The following AGBL1 variants were observed in gnomAD, a reference collection of about 807,000 sequenced individuals.
AGBL1 encodes cytosolic carboxypeptidase 4.
Under a neutral mutation model 118.9 loss-of-function variants are expected in AGBL1, and 130 were observed. The ratio of observed to expected loss-of-function variants is 1.09; its 90% CI spans 0.95 to 1.26. The LOEUF is 1.26. AGBL1 is among the 50% of genes most tolerant of loss of function. AGBL1 has a pLI of 0.00. For missense variants in AGBL1, 1,584 were observed against 1,298.1 expected, an observed-to-expected ratio of 1.22 and a Z score of -3.38; for synonymous variants, 555 against 478.9, an observed-to-expected ratio of 1.16 and a Z score of -2.08.
chr15:86,554,375 C>T lies in AGBL1; in HGVS notation c.2832C>T (p.Ile944=). The change falls in exon 21 of 23, where the codon ATC becomes ATT. Residue 944 remains isoleucine (I), a synonymous_variant. Coordinates refer to ENST00000614907, the MANE Select transcript of AGBL1 (RefSeq NM_001386094.1). ...EEVNYRTLPK[I]LDKLAPAFTM... ...TTTTACTGTAGACTCTTCCCAAAAT[C>T]CTTGATAAGCTAGCACCAGCATTCA... is the stretch of plus-strand genomic sequence containing the variant. The T allele has an allele frequency of 6.3e-7, 1 of 1,580,128 alleles. No homozygotes were observed. The highest frequency in any genetic ancestry group is 8.6e-7 in the Non-Finnish European group (1 of 1,162,926).
At chr15:86,999,415 C>T (rs1184226807) in intron 24 of AGBL1, among the ~76,000 whole-genome samples, 3 of 146,958 alleles carry the variant, frequency 2.0e-5, no homozygotes, top group Non-Finnish European at 3.0e-5. Flanking sequence ...TATTCCCCTT[C>T]CTGTGTCCAT....
At chr15:86,586,903 T>C (rs186462475) in intron 21 of AGBL1, among the ~76,000 whole-genome samples, 284 of 152,194 alleles carry the variant, frequency 1.9e-3, no homozygotes, top group African/African-American at 6.7e-3. Flanking sequence ...TAGAGTCTGG[T>C]TGAAAAGTAG....
At chr15:86,734,667 C>T (rs139900901) in intron 22 of AGBL1, among the ~76,000 whole-genome samples, 7 of 152,188 alleles carry the variant, frequency 4.6e-5, no homozygotes, top group East Asian at 1.9e-4. Context: ...TTCTCTATTG[C>T]GACAAAGCAA....
At chr15:86,667,730 A>G (rs1385739048) in intron 21 of AGBL1, among the ~76,000 whole-genome samples, 1 of 152,032 alleles carries the variant, frequency 6.6e-6, no homozygotes, top group Non-Finnish European at 1.5e-5. Flanking sequence ...TGCTATGACT[A>G]CCATACTATC....
At chr15:86,274,660 A>G (rs2079217064) in intron 15 of AGBL1, among the ~76,000 whole-genome samples, 1 of 152,198 alleles carries the variant, frequency 6.6e-6, no homozygotes, top group African/African-American at 2.4e-5. Flanking sequence ...CCGTAGATGC[A>G]GAATATAATG....
At chr15:86,210,346 A>G (rs1489757832) in intron 5 of AGBL1, among the ~76,000 whole-genome samples, 1 of 152,048 alleles carries the variant, frequency 6.6e-6, no homozygotes, top group Admixed American at 6.6e-5. Context: ...TATTTCCTGA[A>G]TTTGAATGTT....
chr15:86,098,415 A>G (rs890435640), intron 1 of AGBL1, among the ~76,000 whole-genome samples: 2 of 151,996 alleles, frequency 1.3e-5, no homozygotes, highest in African/African-American at 4.8e-5. Context: ...TGTCTCCCCT[A>G]AGGTTTCTTC....
At chr15:86,524,352 T>G (rs2083232578) in intron 19 of AGBL1, among the ~76,000 whole-genome samples, 1 of 152,198 alleles carries the variant, frequency 6.6e-6, no homozygotes, top group Non-Finnish European at 1.5e-5. Context: ...AATTACAGTG[T>G]ATTACCTTCA....
chr15:86,142,014 A>G lies in AGBL1; in HGVS notation c.62A>G (p.Asp21Gly), dbSNP rs1244239327. ...GTGTTCTCATTGCAGAGCTCCTCTG[A>G]CAAGGAGTCCATCCTGACCATCCTC... ...VLLHTLQSSS[D>G]KESILTILKV... Residue 21 changes from aspartate to glycine, a missense_variant, in exon 2 of 23, where the codon GAC (aspartate) becomes GGC (glycine). Transcript: ENST00000614907. 13 of 1,549,996 alleles carry G rather than the reference A, an allele frequency of 8.4e-6. No individual in the cohort carries two copies. The highest frequency in any genetic ancestry group is 1.0e-5 in the Non-Finnish European group (12 of 1,146,764).
intron 5 of AGBL1, among the ~76,000 whole-genome samples, chr15:86,192,291 A>T (rs924544823): frequency 6.7e-6 from 1 of 150,032 alleles, no homozygotes; most frequent in African/African-American, 2.4e-5. Flanking sequence ...TAATTTTTAC[A>T]TATAATGGAG....
intron 3 of AGBL1, among the ~76,000 whole-genome samples, chr15:86,152,372 C>T (rs554140588): frequency 5.3e-5 from 8 of 152,122 alleles, no homozygotes; most frequent in South Asian, 4.1e-4. Context: ...ACATCTACAA[C>T]GATCTGATCT....
chr15:86,929,548 T>C (rs1221650600), intron 23 of AGBL1, among the ~76,000 whole-genome samples: 1 of 152,124 alleles, frequency 6.6e-6, no homozygotes, highest in East Asian at 1.9e-4. Flanking sequence ...ATCCAAGTAA[T>C]ACTAATGCTC....
chr15:86,851,578 C>A (rs1192070746), intron 22 of AGBL1, among the ~76,000 whole-genome samples: 1 of 152,094 alleles, frequency 6.6e-6, no homozygotes, highest in Non-Finnish European at 1.5e-5. Flanking sequence ...CAAGTTTTTC[C>A]AATAAAATCT....
chr15:86,437,650 T>G lies in AGBL1; in HGVS notation c.2555+40104T>G, dbSNP rs150876577. On this transcript the variant is annotated intron_variant, in intron 18 of 22. Transcript: ENST00000614907. ...AAGTGCTAGGCCTCTTACAAGAACA[T>G]CAACAGTTTCATCTAACACGGAGTG... is the stretch of plus-strand genomic sequence containing the variant. Among the ~76,000 whole-genome samples the G allele has an allele frequency of 2.2e-3, 331 of 152,238 alleles. 4 individuals are homozygous for G. Among genetic ancestry groups the G allele is most frequent in the African/African-American group, 7.6e-3 (314 of 41,536 alleles).
At chr15:86,610,288 C>G (rs557653386) in intron 21 of AGBL1, among the ~76,000 whole-genome samples, 1 of 131,848 alleles carries the variant, frequency 7.6e-6, no homozygotes, top group Non-Finnish European at 1.8e-5. Context: ...ACACAGCAGA[C>G]TGAGAAAGAG....
In AGBL1 at chr15:86,207,010, G is replaced by A. The variant is rs188129442; in HGVS notation, c.489-17904G>A. 4.2e-3 allele frequency among the ~76,000 whole-genome samples: 645 copies of A among 152,284 alleles called. 10 individuals are homozygous for A. Among genetic ancestry groups the A allele is most frequent in the African/African-American group, 0.014 (595 of 41,560 alleles). On this transcript the variant is annotated intron_variant, in intron 5 of 22. Coordinates refer to ENST00000614907, the MANE Select transcript of AGBL1 (RefSeq NM_001386094.1). Reference sequence around the variant, plus strand: ...GTATAAGATATAGGGAAGGGATCCAGTTTCAGCTTTGTACATATGGCTAGC... The same window carrying A: ...GTATAAGATATAGGGAAGGGATCCAATTTCAGCTTTGTACATATGGCTAGC...
At chr15:86,455,574 T>C (rs1389550741) in intron 18 of AGBL1, among the ~76,000 whole-genome samples, 3 of 152,182 alleles carry the variant, frequency 2.0e-5, no homozygotes, top group Admixed American at 2.0e-4. Context: ...CTCCAAAGCT[T>C]TGTAGAAAAA....
intron 23 of AGBL1, among the ~76,000 whole-genome samples, chr15:86,965,595 G>C (rs926057345): frequency 6.6e-6 from 1 of 151,696 alleles, no homozygotes; most frequent in African/African-American, 2.4e-5. Context: ...TGTTCACTCT[G>C]ATGATGGTTT....
At chr15:86,427,606 T>C (rs1344116286) in intron 18 of AGBL1, among the ~76,000 whole-genome samples, 1 of 152,064 alleles carries the variant, frequency 6.6e-6, no homozygotes, top group African/African-American at 2.4e-5. Context: ...TGACCATTCA[T>C]AAAGTTTTGA....
Sources: allele counts gnomAD v4.1 joint callset (sites outside exome capture counted in the v4.1 genomes callset), GRCh38; gene constraint gnomAD v4.1.1; transcripts MANE v1.5; gene names NCBI Gene and HGNC (gene_info 2026-07-23, HGNC 2026-07-21).